ZNF280C: variants seen among roughly 807,000 people sequenced by gnomAD.
ZNF280C encodes zinc finger protein 280C, also known as suppressor of hairy wing homolog 3.
ZNF280C carries 14 observed loss-of-function variants against 53.6 expected under a neutral mutation model. That is an observed-to-expected ratio of 0.26 (90% CI 0.17 to 0.41). The LOEUF is 0.41. ZNF280C is among the 10% of genes least tolerant of loss of function. ZNF280C has a pLI of 1.00. For missense variants in ZNF280C, 416 were observed against 547.1 expected (o/e 0.76, Z 2.39); for synonymous variants, 203 against 181.1 (o/e 1.12, Z -0.97).
intron 10 of ZNF280C, among the ~76,000 whole-genome samples, chrX:130,228,184 C>A (rs2032239133): frequency 8.9e-6 from 1 of 112,157 alleles, no homozygotes; most frequent in Non-Finnish European, 1.9e-5. Context: ...ATTTGAAAAC[C>A]ATGGAATCTG....
intron 15 of ZNF280C, among the ~76,000 whole-genome samples, chrX:130,213,089 CA>C (rs1320124472): frequency 6.3e-5 from 7 of 110,537 alleles, no homozygotes; most frequent in African/African-American, 2.3e-4. Context: ...CGTGGTGGCT[CA>C]CGCCTGTAAT....
At chrX:130,223,934 A>G (rs1248174480) in intron 12 of ZNF280C, among the ~76,000 whole-genome samples, 1 of 111,847 alleles carries the variant, frequency 8.9e-6, no homozygotes. Flanking sequence ...AATTATGCAA[A>G]CTGCAAATAC....
At chrX:130,258,655 A>G (rs1422859999) in intron 2 of ZNF280C, among the ~76,000 whole-genome samples, 1 of 112,476 alleles carries the variant, frequency 8.9e-6, no homozygotes, top group African/African-American at 3.2e-5. Context: ...CAGACAATTA[A>G]AAGTATTAAT....
At chrX:130,251,989 C>T (rs1334943653) in intron 2 of ZNF280C, among the ~76,000 whole-genome samples, 2 of 111,244 alleles carry the variant, frequency 1.8e-5, no homozygotes. Flanking sequence ...TGGCGCACAC[C>T]TGTAAGCCCA....
At chrX:130,245,862 T>G (rs766364477) in intron 3 of ZNF280C, among the ~76,000 whole-genome samples, 34 of 109,780 alleles carry the variant, frequency 3.1e-4, no homozygotes, top group Non-Finnish European at 5.3e-4. Flanking sequence ...CTTGGCTCAC[T>G]GCAACCTCTG....
At chrX:130,211,419 C>G (rs770280261) in intron 15 of ZNF280C, among the ~76,000 whole-genome samples, 1 of 111,940 alleles carries the variant, frequency 8.9e-6, no homozygotes. Context: ...ATTTTGAGGG[C>G]CTGTCTTCTC....
At chrX:130,243,957 A>G (rs917696922) in intron 3 of ZNF280C, 92 bp from the exon 4 acceptor site, 4 of 539,310 alleles carry the variant, frequency 7.4e-6, no homozygotes, top group Non-Finnish European at 1.1e-5. Flanking sequence ...TGCATAACCA[A>G]TAATTGAAGT....
At chrX:130,222,276 C>CCCCACA (rs1367658791) in intron 12 of ZNF280C, among the ~76,000 whole-genome samples, 1 of 69,937 alleles carries the variant, frequency 1.4e-5, no homozygotes, top group African/African-American at 5.9e-5. Context: ...CATTCAGACA[C>CCCCACA]CACACACACA....
chrX:130,257,413 A>G (rs2124716025), intron 2 of ZNF280C, among the ~76,000 whole-genome samples: 1 of 111,477 alleles, frequency 9.0e-6, no homozygotes, highest in South Asian at 3.7e-4. Flanking sequence ...TTACTGAAAA[A>G]TTCAGATATA....
At chrX:130,244,654 T>C (rs1281026238) in intron 3 of ZNF280C, among the ~76,000 whole-genome samples, 5 of 108,808 alleles carry the variant, frequency 4.6e-5, no homozygotes, top group African/African-American at 1.7e-4. Flanking sequence ...GGCAGGCACC[T>C]GTAGTCCCAG....
At chrX:130,258,082 C>T (rs751339192) in intron 2 of ZNF280C, among the ~76,000 whole-genome samples, 115 of 111,489 alleles carry the variant, frequency 1.0e-3, no homozygotes, top group Non-Finnish European at 1.2e-3. Context: ...GGCACCACTG[C>T]TCTCCAGTCT....
intron 12 of ZNF280C, among the ~76,000 whole-genome samples, chrX:130,222,409 A>G (rs2032177393): frequency 9.0e-6 from 1 of 110,579 alleles, no homozygotes; most frequent in Admixed American, 9.7e-5. Context: ...TACCTAAAAC[A>G]GTCCTTGGCA....
At chrX:130,256,902 T>C (rs1451910298) in intron 2 of ZNF280C, among the ~76,000 whole-genome samples, 3 of 74,919 alleles carry the variant, frequency 4.0e-5, no homozygotes, top group African/African-American at 1.6e-4. Flanking sequence ...TCTCAGAAAA[T>C]AAAATAAAAG....
intron 6 of ZNF280C, among the ~76,000 whole-genome samples, chrX:130,239,209 T>C (rs942298026): frequency 9.0e-6 from 1 of 111,670 alleles, no homozygotes; most frequent in Admixed American, 9.6e-5. Context: ...ACTATAACCA[T>C]GCACGTTTTC....
chrX:130,266,776 G>GA (rs901284652), intron 1 of ZNF280C, among the ~76,000 whole-genome samples: 7 of 111,514 alleles, frequency 6.3e-5, no homozygotes, highest in Non-Finnish European at 9.4e-5. Context: ...AGAGCACTGG[G>GA]AAAAAAAGTC....
intron 1 of ZNF280C, among the ~76,000 whole-genome samples, chrX:130,268,556 C>G (rs369984654): frequency 1.8e-5 from 2 of 112,052 alleles, no homozygotes; most frequent in African/African-American, 6.5e-5. Flanking sequence ...AAACCCTCCC[C>G]CTTCAGGGCC....
At chrX:130,230,371 C>A (rs993907086) in intron 9 of ZNF280C, 139 bp downstream of exon 9, 2 of 384,277 alleles carry the variant, frequency 5.2e-6, no homozygotes, top group Non-Finnish European at 8.5e-6. Context: ...AAAAGCTTTT[C>A]AACATGATAA....
intron 2 of ZNF280C, among the ~76,000 whole-genome samples, chrX:130,252,854 A>T (rs1210497424): frequency 6.2e-5 from 7 of 112,351 alleles, no homozygotes; most frequent in African/African-American, 2.3e-4. Context: ...GAAAACCAGC[A>T]CAAGACAAGG....
At chrX:130,243,246 G>A (rs2032413028) in intron 5 of ZNF280C, among the ~76,000 whole-genome samples, 1 of 111,527 alleles carries the variant, frequency 9.0e-6, no homozygotes, top group Non-Finnish European at 1.9e-5. Flanking sequence ...GCAGTGGTAT[G>A]ATCTTGGCTC....
Sources: allele counts gnomAD v4.1 joint callset (sites outside exome capture counted in the v4.1 genomes callset), GRCh38; gene constraint gnomAD v4.1.1; transcripts MANE v1.5; gene names NCBI Gene and HGNC (gene_info 2026-07-23, HGNC 2026-07-21).